Variants in CEL observed in about 807,000 individuals in gnomAD.
The protein encoded by CEL is bile salt-activated lipase.
In CEL, 39 loss-of-function variants were observed where a neutral mutation model predicts 57.1. The observed-to-expected ratio is 0.68, with a 90% CI of 0.53 to 0.89. The LOEUF is 0.89. CEL is among the 40% of genes least tolerant of loss of function. The pLI is 0.00. For synonymous variants in CEL, 314 were observed against 396.6 expected (o/e 0.79, Z 2.48); for missense variants, 698 against 915.0 (o/e 0.76, Z 3.06).
At chr9:133,069,920 G>A (rs1214408216) in intron 9 of CEL, among the ~76,000 whole-genome samples, 5 of 152,092 alleles carry the variant, frequency 3.3e-5, no homozygotes, top group East Asian at 1.9e-4. Context: ...GCAGTGAGCC[G>A]AGATTACGCC....
At position 133,066,549 on chromosome 9, in the gene CEL, T is replaced by C; in HGVS notation, c.558T>C (p.Asp186=). The C allele has an allele frequency of 6.2e-7, 1 of 1,613,982 alleles. No homozygotes were observed. The highest frequency in any genetic ancestry group is 1.3e-5 in the African/African-American group (1 of 75,016). The change falls in exon 5 of 11, where the codon GAT becomes GAC. Residue 186 remains aspartate, a synonymous_variant. Coordinates refer to ENST00000372080, the MANE Select transcript of CEL (RefSeq NM_001807.6). This position sits in a 1 kb window ranked among gnomAD's most constrained non-coding sequence, Gnocchi z 4.3. ...CCCCAGGTAACTATGGCCTTCGGGA[T>C]CAGCACATGGCCATTGCTTGGGTGA... ...ANLPGNYGLR[D]QHMAIAWVKR...
chr9:133,066,391 C>T lies in CEL; in HGVS notation c.539-139C>T. On this transcript the variant is annotated intron_variant, in intron 4 of 10. Coordinates refer to ENST00000372080, the MANE Select transcript of CEL (RefSeq NM_001807.6). The surrounding 1 kb of genome is among the most constrained non-coding windows in gnomAD (Gnocchi z 4.3). The stretch of plus-strand genomic sequence containing the variant: ...CTACCCGACCCAGCTTCTTAGGGAC[C>T]CACCATTTGCCAACTGGGGCTCTGC... 9.6e-7 allele frequency: 1 copy of T among 1,042,814 alleles called. No homozygotes were observed. The highest frequency in any genetic ancestry group is 1.4e-5 in the South Asian group (1 of 74,012). 64.6% of individuals were successfully genotyped at this position (1,042,814 alleles called of 1,614,324 possible).
In CEL at chr9:133,065,079, G is replaced by A; in HGVS notation, c.380G>A (p.Gly127Asp). 1 of 1,613,842 alleles carries A rather than the reference G, an allele frequency of 6.2e-7. No individual in the cohort carries two copies. ...CCCGTTATGATCTGGATCTATGGAG[G>A]CGCCTTCCTCATGGGGTCCGGCCAT... ...DLPVMIWIYG[G>D]AFLMGSGHGA... is the part of the protein sequence containing the mutation. The change falls in exon 4 of 11, where the codon GGC becomes GAC. Residue 127 changes from glycine to aspartate, a missense_variant. Around this residue, in one of 6 missense-constraint regions of CEL, gnomAD observed 327 missense variants for 374.1 expected, o/e 0.87. Coordinates refer to ENST00000372080, the MANE Select transcript of CEL (RefSeq NM_001807.6).
At chr9:133,063,948 G>T (rs1830133351) in intron 1 of CEL, among the ~76,000 whole-genome samples, 1 of 152,156 alleles carries the variant, frequency 6.6e-6, no homozygotes, top group Admixed American at 6.5e-5. Context: ...GAGGAAGGTT[G>T]GTGTGAAACA....
Position 133,071,815 on chromosome 9 carries a change from C to A in CEL, c.*51C>A. 6.6e-7 allele frequency: 1 copy of A among 1,517,858 alleles called. No individual in the cohort carries two copies. 94.0% of individuals were successfully genotyped at this position (1,517,858 alleles called of 1,614,324 possible). On this transcript the variant is annotated 3_prime_UTR_variant, in exon 11 of 11. Coordinates refer to ENST00000372080, the MANE Select transcript of CEL (RefSeq NM_001807.6). ...GGCCACAAGAGTGGGACCCCAGGGGCTCCCCTCCCATCTTGAGCTCTTCCT... is the reference window on the plus strand; with the variant it reads ...GGCCACAAGAGTGGGACCCCAGGGGATCCCCTCCCATCTTGAGCTCTTCCT...
chr9:133,068,281 A>T (rs1006870267), intron 7 of CEL, among the ~76,000 whole-genome samples: 1 of 152,046 alleles, frequency 6.6e-6, no homozygotes, highest in African/African-American at 2.4e-5. Flanking sequence ...CTCCTTCTCC[A>T]TCAGTTCCCT....
In CEL at chr9:133,066,765, G is replaced by A; in HGVS notation, c.670-73G>A. On this transcript the variant is annotated intron_variant, in intron 5 of 10. Coordinates refer to ENST00000372080, the MANE Select transcript of CEL (RefSeq NM_001807.6). The surrounding 1 kb of genome is among the most constrained non-coding windows in gnomAD (Gnocchi z 4.3). Reference sequence around the variant, plus strand: ...GCGTGGAGCTGGGGCTGTGGTGCTGGGGTGTCCTTGTCCCAGCGTGGGGTG... The same window carrying A: ...GCGTGGAGCTGGGGCTGTGGTGCTGAGGTGTCCTTGTCCCAGCGTGGGGTG... 2 of 1,608,522 alleles carry A rather than the reference G, an allele frequency of 1.2e-6. No homozygotes were observed. Among genetic ancestry groups the A allele is most frequent in the South Asian group, 1.1e-5 (1 of 90,892 alleles).
rs774507925 is a variant in CEL at position 133,066,507 on chromosome 9, C to G, written c.539-23C>G. 3.7e-6 allele frequency: 6 copies of G among 1,613,752 alleles called. No individual in the cohort carries two copies. In the Admixed American group the frequency reaches 8.3e-5, roughly 22 times the overall value. On this transcript the variant is annotated intron_variant, in intron 4 of 10. Transcript: ENST00000372080. The surrounding 1 kb of genome is among the most constrained non-coding windows in gnomAD (Gnocchi z 4.3). ...GGCCTGGGCCACTGGTCTCTAGCAC[C>G]CCCTCCCCTGCCCTGCCCCCAGGTA...
At position 133,066,422 on chromosome 9, in the gene CEL, C is replaced by A. The variant is rs541029608; in HGVS notation, c.539-108C>A. The stretch of plus-strand genomic sequence containing the variant: ...TTTGCCAACTGGGGCTCTGCCATGG[C>A]CCCAACTCTGTTGAGGGCATTTCCA... On this transcript the variant is annotated intron_variant, in intron 4 of 10. Transcript: ENST00000372080. The surrounding 1 kb of genome is among the most constrained non-coding windows in gnomAD (Gnocchi z 4.3). 6.9e-6 allele frequency: 10 copies of A among 1,446,356 alleles called. No individual in the cohort carries two copies. The highest frequency in any genetic ancestry group is 9.6e-6 in the Non-Finnish European group (10 of 1,043,234). The allele number at this position is 1,446,356 out of a possible 1,614,324, so 89.6% of individuals were successfully genotyped here.
chr9:133,071,856 C>G lies in CEL; in HGVS notation c.*92C>G. ...AGCTCTTCCTGAATAAAGCCTCATA[C>G]CCCTGTCGGTGTCTTTCTTTGCTCC... On this transcript the variant is annotated 3_prime_UTR_variant, in exon 11 of 11. Coordinates refer to ENST00000372080, the MANE Select transcript of CEL (RefSeq NM_001807.6). 1 of 1,209,210 alleles carries G rather than the reference C, an allele frequency of 8.3e-7. No individual in the cohort carries two copies. The allele number at this position is 1,209,210 out of a possible 1,614,324, so 74.9% of individuals were successfully genotyped here. A position where few individuals can be genotyped will look rare whatever the true frequency, so the allele number is the denominator to read the frequency against.
At chr9:133,069,758 G>T (rs1237489878) in intron 9 of CEL, among the ~76,000 whole-genome samples, 6 of 152,108 alleles carry the variant, frequency 3.9e-5, no homozygotes, top group Admixed American at 2.6e-4. Flanking sequence ...ATCACTTGAG[G>T]TCAGGAGTCT....
chr9:133,070,472 C>T lies in CEL; in HGVS notation c.1298C>T (p.Thr433Ile). 6.2e-7 allele frequency: 1 copy of T among 1,613,482 alleles called. No individual in the cohort carries two copies. Among genetic ancestry groups the T allele is most frequent in the Non-Finnish European group, 8.5e-7 (1 of 1,179,852 alleles). Residue 433 changes from threonine to isoleucine, a missense_variant, in exon 10 of 11, where the codon ACC (threonine) becomes ATC (isoleucine). Transcript: ENST00000372080. ...TCTCTCCCCTCCAGGAGTGCCAAGA[C>T]CTACGCCTACCTGTTTTCCCATCCC... Reference protein sequence around the residue: ...QHRANAKSAKTYAYLFSHPSR... With the variant: ...QHRANAKSAKIYAYLFSHPSR...
At chr9:133,065,933 G>A (rs1056712725) in intron 4 of CEL, among the ~76,000 whole-genome samples, 2 of 151,714 alleles carry the variant, frequency 1.3e-5, no homozygotes, top group Non-Finnish European at 2.9e-5. Flanking sequence ...TGGAAGGATC[G>A]CTTGAGCCCA....
rs746898142 is a variant in CEL, at chr9:133,066,964, G to A, written c.777+19G>A. The A allele has an allele frequency of 3.2e-6, 5 of 1,581,376 alleles. No individual in the cohort carries two copies. The East Asian group carries it at 6.7e-5, about 21-fold the overall frequency. ...CAAAAAGGTAAACGGAGGAGGGCAG[G>A]GCTGGGCGGGGTGGGGGCTGTCCAC... On this transcript the variant is annotated intron_variant, in intron 6 of 10. Coordinates refer to ENST00000372080, the MANE Select transcript of CEL (RefSeq NM_001807.6). This position sits in a 1 kb window ranked among gnomAD's most constrained non-coding sequence, Gnocchi z 4.3.
chr9:133,065,600 A>C (rs1830165316), intron 4 of CEL, among the ~76,000 whole-genome samples: 1 of 152,110 alleles, frequency 6.6e-6, no homozygotes, highest in Non-Finnish European at 1.5e-5. Flanking sequence ...TAATCCCAGC[A>C]CGTTGGGAGC....
intron 7 of CEL, among the ~76,000 whole-genome samples, chr9:133,067,798 A>G (rs1354703293): frequency 6.6e-6 from 1 of 152,040 alleles, no homozygotes; most frequent in Non-Finnish European, 1.5e-5. Flanking sequence ...AGGGAGACTC[A>G]TAGACCTCAG....
chr9:133,063,379 C>T (rs148801062), intron 1 of CEL, among the ~76,000 whole-genome samples: 84 of 152,328 alleles, frequency 5.5e-4, no homozygotes, highest in African/African-American at 1.9e-3. Flanking sequence ...GCATGTGTTG[C>T]TTCTGGTTCC....
intron 4 of CEL, 75 bp downstream of exon 4, chr9:133,065,312 C>T (rs930922670): frequency 9.8e-6 from 15 of 1,532,792 alleles, no homozygotes; most frequent in African/African-American, 9.5e-5. Context: ...CCTCAGCACC[C>T]CTCACCCCAA....
Position 133,067,193 on chromosome 9 carries a change from G to T in CEL, c.883G>T (p.Ala295Ser), listed in dbSNP as rs765533068. The change falls in exon 7 of 11, where the codon GCA becomes TCA. Residue 295 changes from alanine (A) to serine (S), a missense_variant. Physicochemically the swap from Ala to Ser is moderately conservative, Grantham distance 99. Transcript: ENST00000372080. ...ALTLAYKVPL[A>S]GLEYPMLHYV... ...GACGCTGGCCTATAAGGTGCCGCTGGCAGGCCTGGAGTGTGAGTAGCTGCT... is the reference window on the plus strand; with the variant it reads ...GACGCTGGCCTATAAGGTGCCGCTGTCAGGCCTGGAGTGTGAGTAGCTGCT... The T allele has an allele frequency of 6.8e-6, 11 of 1,613,706 alleles. No individual in the cohort carries two copies. Among genetic ancestry groups the T allele is most frequent in the Admixed American group, 5.0e-5 (3 of 59,978 alleles).
Sources: gnomAD v4.1 joint callset for allele counts (sites outside exome capture counted in the v4.1 genomes callset) on GRCh38, gnomAD v4.1.1 for gene constraint, gnomAD v4.1.1 regional missense constraint, Gnocchi (gnomAD v3.1) non-coding constraint, MANE v1.5 for transcripts, NCBI Gene and HGNC (gene_info 2026-07-23, HGNC 2026-07-21) for gene names.